Variants in SLC36A1 observed in about 807,000 individuals in gnomAD.
The protein encoded by SLC36A1 is solute carrier family 36 member 1, also known as proton-coupled amino acid transporter 1.
In SLC36A1, 30 loss-of-function variants were observed where a neutral mutation model predicts 47.5. The observed-to-expected ratio is 0.63, with a 90% confidence interval of 0.47 to 0.86. SLC36A1 has a LOEUF of 0.86. Ranked by LOEUF, SLC36A1 falls within the 40% of genes least tolerant of loss-of-function variation. The probability of loss-of-function intolerance (pLI) is 0.00; values close to 1 mark genes in which losing one functional copy is unlikely to be tolerated. For missense variants in SLC36A1, 517 were observed against 606.0 expected (o/e 0.85, Z 1.54); for synonymous variants, 255 against 249.7 (o/e 1.02, Z -0.20).
chr5:151,551,715 G>T, the SLC36A1 span: 1 of 1,109,244 alleles, frequency 9.0e-7, no homozygotes, highest in Non-Finnish European at 1.3e-6. Flanking sequence ...AAATTCCACA[G>T]TACAAGATCT....
the SLC36A1 span, chr5:151,510,448 C>G: frequency 3.3e-6 from 1 of 307,172 alleles, no homozygotes; most frequent in Non-Finnish European, 6.2e-6. Flanking sequence ...TAACTTAGTG[C>G]TAGTCACTGT....
At chr5:151,525,142 CA>C in the SLC36A1 span, among the ~76,000 whole-genome samples, 1 of 152,162 alleles carries the variant, frequency 6.6e-6, no homozygotes, top group Non-Finnish European at 1.5e-5. Flanking sequence ...AGAATGAATA[CA>C]TCATTCCCAG....
At chr5:151,546,785 C>T in the SLC36A1 span, among the ~76,000 whole-genome samples, 1 of 152,048 alleles carries the variant, frequency 6.6e-6, no homozygotes, top group Non-Finnish European at 1.5e-5. Context: ...GTGATGTGAG[C>T]ATGGCTCACT....
the SLC36A1 span, chr5:151,521,392 C>T: frequency 6.2e-7 from 1 of 1,614,188 alleles, no homozygotes; most frequent in Non-Finnish European, 8.5e-7. Flanking sequence ...GCAGATTTGA[C>T]CCTGGCAGGT....
At chr5:151,531,556 T>C in the SLC36A1 span, 4 of 1,610,552 alleles carry the variant, frequency 2.5e-6, no homozygotes, top group African/African-American at 1.3e-5. The surrounding 1 kb of genome is among the most constrained non-coding windows in gnomAD (Gnocchi z 5.7). Flanking sequence ...CTGTACGCGA[T>C]GCTTTGGGGC....
chr5:151,468,266 AATATATAT>A lies in SLC36A1; in HGVS notation c.723+362_723+369del, dbSNP rs1554113501. Among the ~76,000 whole-genome samples the A allele has an allele frequency of 9.7e-4, 62 of 63,804 alleles. 2 individuals are homozygous for A. The highest frequency in any genetic ancestry group is 4.6e-3 in the African/African-American group (52 of 11,368). The allele number at this position is 63,804 out of a possible 152,430, so 41.9% of individuals were successfully genotyped here. On this transcript the variant is annotated intron_variant, in intron 7 of 10. Coordinates refer to ENST00000243389, the MANE Select transcript of SLC36A1 (RefSeq NM_078483.4). The stretch of plus-strand genomic sequence containing the variant: ...GACTCTGTCTCAAAAAAAAAAAAAA[AATATATAT>A]ATATATATATATATATATATTTTAT...
chr5:151,520,939 G>C, the SLC36A1 span, among the ~76,000 whole-genome samples: 1 of 152,240 alleles, frequency 6.6e-6, no homozygotes, highest in African/African-American at 2.4e-5. Context: ...GCACAGAGAG[G>C]TTAATTTTCC....
chr5:151,529,103 G>A, the SLC36A1 span: 1 of 1,242,904 alleles, frequency 8.0e-7, no homozygotes, highest in South Asian at 1.2e-5. Context: ...GCTCATAGAT[G>A]GCTGGGTGTG....
chr5:151,468,411 A>G (rs1268726527), intron 7 of SLC36A1, among the ~76,000 whole-genome samples: 1 of 144,940 alleles, frequency 6.9e-6, no homozygotes, highest in Admixed American at 7.0e-5. Flanking sequence ...TATATTATAT[A>G]ATGTATGTAA....
At chr5:151,521,711 G>T in the SLC36A1 span, 1 of 1,613,910 alleles carries the variant, frequency 6.2e-7, no homozygotes, top group Non-Finnish European at 8.5e-7. Flanking sequence ...ATGGCCTGCT[G>T]CAGAGCCTCC....
the SLC36A1 span, chr5:151,550,479 C>G: frequency 2.4e-6 from 3 of 1,232,182 alleles, no homozygotes; most frequent in Non-Finnish European, 3.4e-6. Flanking sequence ...AACTCTGTCT[C>G]GTGCATGGTC....
the SLC36A1 span, chr5:151,544,932 G>A: frequency 1.2e-6 from 2 of 1,614,106 alleles, no homozygotes; most frequent in Non-Finnish European, 1.7e-6. Context: ...TGGGGGGATT[G>A]TCATTGACAT....
intron 3 of SLC36A1, among the ~76,000 whole-genome samples, chr5:151,464,194 C>A (rs1039020974): frequency 3.3e-5 from 5 of 152,206 alleles, no homozygotes; most frequent in Admixed American, 6.5e-5. Context: ...TCTCACCTCA[C>A]ATCCCTTAGC....
chr5:151,528,744 T>C, the SLC36A1 span, among the ~76,000 whole-genome samples: 1 of 152,126 alleles, frequency 6.6e-6, no homozygotes, highest in Non-Finnish European at 1.5e-5. Flanking sequence ...TTTCACTCCA[T>C]TGAATGAGGG....
intron 1 of SLC36A1, among the ~76,000 whole-genome samples, chr5:151,454,392 C>T (rs897607352): frequency 2.0e-5 from 3 of 152,096 alleles, no homozygotes; most frequent in Non-Finnish European, 4.4e-5. Context: ...CTCATGGGGA[C>T]AGACAGAGAG....
the SLC36A1 span, among the ~76,000 whole-genome samples, chr5:151,351,901 T>C: frequency 3.9e-5 from 6 of 152,148 alleles, no homozygotes; most frequent in African/African-American, 1.4e-4. Flanking sequence ...CTGCTCCAAA[T>C]TGACCTGAGA....
chr5:151,427,011 T>A, the SLC36A1 span, among the ~76,000 whole-genome samples: 1 of 152,330 alleles, frequency 6.6e-6, no homozygotes, highest in Admixed American at 6.5e-5. Context: ...GGGTTGGGGC[T>A]ACAGGTACAG....
At chr5:151,419,906 C>G in the SLC36A1 span, 1 of 152,278 alleles carries the variant, frequency 6.6e-6, no homozygotes, top group East Asian at 1.9e-4. Context: ...CCCCAGTGGG[C>G]GTGGTCAGGG....
chr5:151,485,634 CTG>C (rs1184879380), intron 10 of SLC36A1, among the ~76,000 whole-genome samples: 2 of 152,232 alleles, frequency 1.3e-5, no homozygotes, highest in African/African-American at 4.8e-5. Flanking sequence ...GGTCCCAGCT[CTG>C]TTGCTTCCTG....
Sources: allele counts gnomAD v4.1 joint callset (sites outside exome capture counted in the v4.1 genomes callset), GRCh38; gene constraint gnomAD v4.1.1; non-coding constraint Gnocchi (gnomAD v3.1); transcripts MANE v1.5; gene names NCBI Gene and HGNC (gene_info 2026-07-23, HGNC 2026-07-21).